The following FBXL2 variants were observed in gnomAD, a reference collection of about 807,000 sequenced individuals.
FBXL2 encodes the protein F-box/LRR-repeat protein 2.
A neutral mutation model predicts 69.2 loss-of-function variants in FBXL2; 38 were observed. The ratio of observed to expected loss-of-function variants is 0.55; its 90% CI spans 0.42 to 0.72. The LOEUF is 0.72. Among genes scored for constraint, FBXL2 ranks in the 30% least tolerant of loss-of-function variants. The pLI, the probability that FBXL2 is intolerant of heterozygous loss-of-function variation, is 0.00. For missense variants in FBXL2, 354 were observed against 520.3 expected (o/e 0.68, Z 3.11); for synonymous variants, 192 against 201.3 (o/e 0.95, Z 0.39).
chr3:33,365,669 C>T (rs1244414505), intron 5 of FBXL2, among the ~76,000 whole-genome samples: 1 of 152,100 alleles, frequency 6.6e-6, no homozygotes, highest in African/African-American at 2.4e-5. Flanking sequence ...GGAACGATCC[C>T]TTGAAGCCAG....
intron 2 of FBXL2, among the ~76,000 whole-genome samples, chr3:33,307,770 G>A (rs994140235): frequency 1.2e-4 from 18 of 152,094 alleles, no homozygotes; most frequent in African/African-American, 4.3e-4. Flanking sequence ...AAATTTGGGT[G>A]AAGAATATGC....
At chr3:33,380,354 C>T (rs190580711) in intron 13 of FBXL2, among the ~76,000 whole-genome samples, 12 of 151,530 alleles carry the variant, frequency 7.9e-5, no homozygotes, top group Admixed American at 1.3e-4. Context: ...GTTGGGAGTT[C>T]GAGACCAGCC....
intron 2 of FBXL2, among the ~76,000 whole-genome samples, chr3:33,355,277 A>G (rs143023580): frequency 0.013 from 1,939 of 152,292 alleles, 30 homozygotes; most frequent in Middle Eastern, 0.027. Flanking sequence ...AGGAAAAACA[A>G]TCTAAAGATG....
downstream of FBXL2, chr3:33,389,030 A>G (rs1337885180): frequency 6.6e-6 from 1 of 152,444 alleles, no homozygotes; most frequent in Non-Finnish European, 1.5e-5. Context: ...AGTCCCCTAC[A>G]CCACAGGCCT....
chr3:33,412,612 A>C, the FBXL2 span: 79 of 757,504 alleles, frequency 1.0e-4, 2 homozygotes, highest in South Asian at 1.3e-3. Flanking sequence ...CAAAATCCAC[A>C]AACACCAAAA....
chr3:33,331,681 A>G (rs1049798137), intron 2 of FBXL2, among the ~76,000 whole-genome samples: 1 of 152,214 alleles, frequency 6.6e-6, no homozygotes, highest in African/African-American at 2.4e-5. Flanking sequence ...ACATTTCACA[A>G]ACTAAGATTC....
At chr3:33,331,181 A>G (rs1233950510) in intron 2 of FBXL2, among the ~76,000 whole-genome samples, 1 of 152,102 alleles carries the variant, frequency 6.6e-6, no homozygotes, top group East Asian at 1.9e-4. Flanking sequence ...AAAAGAAAAA[A>G]ACACCTGAAT....
chr3:33,360,851 T>A (rs1319448811), intron 4 of FBXL2, among the ~76,000 whole-genome samples: 1 of 151,894 alleles, frequency 6.6e-6, no homozygotes, highest in Non-Finnish European at 1.5e-5. Context: ...TTTCTGTGGT[T>A]CTTCATGTCT....
At chr3:33,286,547 C>G (rs1041495849) in intron 1 of FBXL2, among the ~76,000 whole-genome samples, 2 of 152,190 alleles carry the variant, frequency 1.3e-5, no homozygotes, top group African/African-American at 4.8e-5. Context: ...CTCAGAGAAC[C>G]ACTACTCTCT....
intron 2 of FBXL2, among the ~76,000 whole-genome samples, chr3:33,325,134 G>T (rs1174248498): frequency 2.6e-5 from 4 of 152,140 alleles, no homozygotes; most frequent in Admixed American, 1.3e-4. Flanking sequence ...GAATGCTTGT[G>T]ATTTTTGCAC....
At chr3:33,411,970 C>T in the FBXL2 span, among the ~76,000 whole-genome samples, 6 of 151,820 alleles carry the variant, frequency 4.0e-5, no homozygotes, top group African/African-American at 7.3e-5. Context: ...GTGGATAACC[C>T]GAGGTCAGGA....
chr3:33,419,788 T>G, the FBXL2 span, among the ~76,000 whole-genome samples: 1 of 152,184 alleles, frequency 6.6e-6, no homozygotes, highest in Non-Finnish European at 1.5e-5. Flanking sequence ...CAATCCATAA[T>G]TTTTAATACC....
chr3:33,380,532 TGG>T (rs2042976010), intron 13 of FBXL2, among the ~76,000 whole-genome samples: 2 of 137,090 alleles, frequency 1.5e-5, no homozygotes, highest in African/African-American at 5.7e-5. Flanking sequence ...CACTCCAGCC[TGG>T]GCAACAAGAG....
intron 5 of FBXL2, among the ~76,000 whole-genome samples, chr3:33,364,985 C>G (rs1222283653): frequency 6.6e-6 from 1 of 152,126 alleles, no homozygotes; most frequent in Non-Finnish European, 1.5e-5. Context: ...AGCTATAGCT[C>G]CCACAGGACT....
chr3:33,292,539 A>C (rs1047026962), intron 1 of FBXL2, among the ~76,000 whole-genome samples: 2 of 152,186 alleles, frequency 1.3e-5, no homozygotes, highest in African/African-American at 4.8e-5. Context: ...AGAAAAAAAA[A>C]GTCAGTAAGG....
chr3:33,397,012 T>C (rs1330223193), intron 12 of FBXL2: 10 of 1,571,454 alleles, frequency 6.4e-6, no homozygotes, highest in African/African-American at 1.4e-5. Flanking sequence ...AGGTACATTC[T>C]TATTTCAAGC....
chr3:33,375,877 C>T (rs2042601340), intron 10 of FBXL2, among the ~76,000 whole-genome samples: 1 of 152,136 alleles, frequency 6.6e-6, no homozygotes, highest in Admixed American at 6.5e-5. Context: ...ATAATTTAGG[C>T]CAGGCATGGT....
intron 5 of FBXL2, among the ~76,000 whole-genome samples, chr3:33,366,255 AT>A (rs369196964): frequency 6.6e-6 from 1 of 152,242 alleles, no homozygotes; most frequent in African/African-American, 2.4e-5. Flanking sequence ...AAAATTTTGC[AT>A]TTGTGGTCAT....
intron 4 of FBXL2, among the ~76,000 whole-genome samples, chr3:33,362,399 A>G (rs1190880919): frequency 6.6e-6 from 1 of 152,206 alleles, no homozygotes; most frequent in Admixed American, 6.5e-5. Context: ...AAAGCCCTTC[A>G]TTCTAAAAGC....
Sources: gnomAD v4.1 joint callset for allele counts (sites outside exome capture counted in the v4.1 genomes callset) on GRCh38, gnomAD v4.1.1 for gene constraint, MANE v1.5 for transcripts, NCBI Gene and HGNC (gene_info 2026-07-23, HGNC 2026-07-21) for gene names.